Variants in HELZ observed in about 807,000 individuals in gnomAD.
HELZ encodes the protein ATP-dependent RNA helicase with zinc finger domain.
HELZ carries 23 observed loss-of-function variants against 218.2 expected under a neutral mutation model. That is an observed-to-expected ratio of 0.11 (90% CI 0.08 to 0.15). The LOEUF is 0.15. Ranked by LOEUF, HELZ falls within the 10% of genes least tolerant of loss-of-function variation. HELZ has a pLI of 1.00. For missense variants in HELZ, 1,813 were observed against 2,353.7 expected, an observed-to-expected ratio of 0.77 and a Z score of 4.75; for synonymous variants, 814 against 829.4, an observed-to-expected ratio of 0.98 and a Z score of 0.32.
intron 32 of HELZ, among the ~76,000 whole-genome samples, chr17:67,086,615 A>T (rs1285070372): frequency 1.0e-5 from 1 of 100,212 alleles, no homozygotes; most frequent in African/African-American, 4.3e-5. Context: ...TATATATATA[A>T]ATAAATATAA....
Position 67,188,164 on chromosome 17 carries a change from T to G in HELZ, c.1162+155A>C. 1 of 673,454 alleles carries G rather than the reference T, an allele frequency of 1.5e-6. No homozygotes were observed. The allele number at this position is 673,454 out of a possible 1,614,324, so 41.7% of individuals were successfully genotyped here. ...AATCAGGGCACAGTGTGAATCATTA[T>G]AAGCCCATTACACAGTAAATGAGTC... On this transcript the variant is annotated intron_variant, in intron 12 of 32. Transcript: ENST00000358691. This position sits in a 1 kb window ranked among gnomAD's most constrained non-coding sequence, Gnocchi z 4.1.
chr17:67,183,490 G>C (rs117027049), intron 12 of HELZ, among the ~76,000 whole-genome samples: 1,644 of 152,156 alleles, frequency 0.011, 19 homozygotes, highest in South Asian at 0.017. Context: ...AACAACTTTG[G>C]TAGTTGGGAA....
intron 3 of HELZ, among the ~76,000 whole-genome samples, chr17:67,222,026 GA>G (rs1567905310): frequency 6.6e-6 from 1 of 151,392 alleles, no homozygotes; most frequent in Admixed American, 6.6e-5. Flanking sequence ...TTTTTTTGTA[GA>G]GACAGGGTTT....
At chr17:67,214,259 C>CTTTTTTTTT (rs777420102) in intron 5 of HELZ, among the ~76,000 whole-genome samples, 3 of 87,736 alleles carry the variant, frequency 3.4e-5, no homozygotes, top group African/African-American at 4.7e-5. Flanking sequence ...ATTAATATTT[C>CTTTTTTTTT]TTTTTTTTTT....
intron 13 of HELZ, among the ~76,000 whole-genome samples, chr17:67,171,729 T>C (rs1022312600): frequency 9.2e-5 from 14 of 152,000 alleles, no homozygotes; most frequent in Admixed American, 6.6e-5. Flanking sequence ...GCACCCTCCA[T>C]TGCAACTATA....
chr17:67,138,508 AAACT>A (rs1371819872), intron 21 of HELZ, among the ~76,000 whole-genome samples: 1 of 152,202 alleles, frequency 6.6e-6, no homozygotes, highest in African/African-American at 2.4e-5. Context: ...CAGGCCAATG[AAACT>A]AACCAACCAA....
intron 5 of HELZ, among the ~76,000 whole-genome samples, chr17:67,213,304 C>A (rs1438427852): frequency 1.3e-5 from 2 of 152,088 alleles, no homozygotes; most frequent in Non-Finnish European, 2.9e-5. Flanking sequence ...TGGGTGTGTG[C>A]ATCTGAAACT....
At position 67,203,328 on chromosome 17, in the gene HELZ, T is replaced by C; in HGVS notation, c.363A>G (p.Gly121=). The change falls in exon 6 of 33, where the codon GGA becomes GGG. Residue 121 remains glycine (G), a synonymous_variant. Coordinates refer to ENST00000358691, the MANE Select transcript of HELZ (RefSeq NM_014877.4). ...GAGCTTATCAACATACCAGGGACTC[T>C]CCTGTGAGTGACTTGGCAAGAATGG... is the stretch of plus-strand genomic sequence containing the variant. ...VSTILAKSLT[G]ESLNGMVTKD... The C allele has an allele frequency of 1.2e-6, 2 of 1,614,078 alleles. No homozygotes were observed. The highest frequency in any genetic ancestry group is 1.1e-5 in the South Asian group (1 of 91,084).
chr17:67,135,868 C>G, intron 23 of HELZ, 102 bp downstream of exon 23: 1 of 918,470 alleles, frequency 1.1e-6, no homozygotes, highest in Non-Finnish European at 1.6e-6. Flanking sequence ...TACAATAAAC[C>G]TGTTTTTAAT....
rs151026467 is a variant in HELZ, at chr17:67,220,046, T to C, written c.-18-1224A>G. Among the ~76,000 whole-genome samples, 126 of 152,310 alleles carry C rather than the reference T, an allele frequency of 8.3e-4. 3 individuals are homozygous for C. The highest frequency in any genetic ancestry group is 7.8e-4 in the Non-Finnish European group (53 of 68,020). ...CGTGCCTGCATCCACCTTCTCTCTCTCCTGCTCCTCCCTACCTTCCACCTT... is the reference window on the plus strand; with the variant it reads ...CGTGCCTGCATCCACCTTCTCTCTCCCCTGCTCCTCCCTACCTTCCACCTT... On this transcript the variant is annotated intron_variant, in intron 3 of 32. Coordinates refer to ENST00000358691, the MANE Select transcript of HELZ (RefSeq NM_014877.4).
chr17:67,101,896 T>C (rs2036941530), intron 31 of HELZ, among the ~76,000 whole-genome samples: 2 of 152,242 alleles, frequency 1.3e-5, no homozygotes, highest in Non-Finnish European at 2.9e-5. Flanking sequence ...TGGAGCAATT[T>C]ATCAATCTAT....
intron 23 of HELZ, among the ~76,000 whole-genome samples, chr17:67,132,361 C>T (rs564770764): frequency 5.3e-5 from 8 of 152,236 alleles, no homozygotes; most frequent in African/African-American, 1.9e-4. Context: ...CTCCAAACGC[C>T]TTGGTTTGAA....
chr17:67,231,935 C>A (rs1302309346), intron 3 of HELZ, among the ~76,000 whole-genome samples: 3 of 150,972 alleles, frequency 2.0e-5, no homozygotes, highest in Admixed American at 6.6e-5. Context: ...CGCCTGTAAT[C>A]CCAGCTACTC....
intron 16 of HELZ, 30 bp from the exon 17 acceptor site, chr17:67,160,392 AAT>A: frequency 1.4e-6 from 2 of 1,476,952 alleles, no homozygotes; most frequent in Non-Finnish European, 1.9e-6. Flanking sequence ...AAATAAAAAG[AAT>A]GATAAAACAC....
chr17:67,165,719 C>A (rs1354251384), intron 15 of HELZ, among the ~76,000 whole-genome samples: 1 of 152,056 alleles, frequency 6.6e-6, no homozygotes. Context: ...TAAAGACATC[C>A]CAAAAAAATT....
rs1598377439 is a variant in HELZ at position 67,178,636 on chromosome 17, A to G, written c.1430+23T>C. On this transcript the variant is annotated intron_variant, in intron 13 of 32. Coordinates refer to ENST00000358691, the MANE Select transcript of HELZ (RefSeq NM_014877.4). ...ATCCAAAGGGGAGATTTTTTGTTTT[A>G]AAGTGTTTCTAAAGTAACTTACTTG... 17 of 1,579,688 alleles carry G rather than the reference A, an allele frequency of 1.1e-5. No homozygotes were observed. In the East Asian group the frequency reaches 3.8e-4, roughly 36 times the overall value.
chr17:67,203,325 C>T lies in HELZ; in HGVS notation c.366G>A (p.Glu122=). The T allele has an allele frequency of 1.2e-6, 2 of 1,614,006 alleles. No individual in the cohort carries two copies. The highest frequency in any genetic ancestry group is 1.7e-6 in the Non-Finnish European group (2 of 1,179,942). The part of the protein sequence containing the change: ...STILAKSLTG[E]SLNGMVTKDL... ...TTAGAGCTTATCAACATACCAGGGACTCTCCTGTGAGTGACTTGGCAAGAA... is the reference window on the plus strand; with the variant it reads ...TTAGAGCTTATCAACATACCAGGGATTCTCCTGTGAGTGACTTGGCAAGAA... The change falls in exon 6 of 33, where the codon GAG becomes GAA. Residue 122 remains glutamate (E), a synonymous_variant. Coordinates refer to ENST00000358691, the MANE Select transcript of HELZ (RefSeq NM_014877.4).
chr17:67,161,765 G>C (rs890802963), intron 15 of HELZ, among the ~76,000 whole-genome samples: 1 of 152,190 alleles, frequency 6.6e-6, no homozygotes, highest in Non-Finnish European at 1.5e-5. Context: ...GATGGCTACT[G>C]TAATGAGATC....
chr17:67,172,352 G>C (rs1381020676), intron 13 of HELZ, among the ~76,000 whole-genome samples: 3 of 152,080 alleles, frequency 2.0e-5, no homozygotes, highest in Admixed American at 6.5e-5. Flanking sequence ...CTCCACTACT[G>C]GATTACAAAC....
Sources: allele counts gnomAD v4.1 joint callset (sites outside exome capture counted in the v4.1 genomes callset), GRCh38; gene constraint gnomAD v4.1.1; non-coding constraint Gnocchi (gnomAD v3.1); transcripts MANE v1.5; gene names NCBI Gene and HGNC (gene_info 2026-07-23, HGNC 2026-07-21).